CACNA2D3: variants seen among roughly 807,000 people sequenced by gnomAD.
CACNA2D3 encodes the protein voltage-dependent calcium channel subunit alpha-2/delta-3.
Under a neutral mutation model 160.6 loss-of-function variants are expected in CACNA2D3, and 60 were observed. That is an observed-to-expected ratio of 0.37 (90% CI 0.30 to 0.46). The LOEUF is 0.46. Ranked by LOEUF, CACNA2D3 falls within the 20% of genes least tolerant of loss-of-function variation. The probability of loss-of-function intolerance (pLI) is 1.00; values close to 1 mark genes in which losing one functional copy is unlikely to be tolerated. For synonymous variants in CACNA2D3, 558 were observed against 492.9 expected (o/e 1.13, Z -1.75); for missense variants, 1,205 against 1,365.0 (o/e 0.88, Z 1.85).
chr3:54,537,800 C>CA (rs1372063688), intron 5 of CACNA2D3, among the ~76,000 whole-genome samples: 5 of 152,176 alleles, frequency 3.3e-5, no homozygotes, highest in Non-Finnish European at 7.3e-5. Flanking sequence ...GCTTGGGAAG[C>CA]ATACCAGCGG....
intron 11 of CACNA2D3, among the ~76,000 whole-genome samples, chr3:54,718,014 G>T (rs1333731392): frequency 6.6e-6 from 1 of 152,144 alleles, no homozygotes; most frequent in Non-Finnish European, 1.5e-5. Flanking sequence ...ATATTTATTT[G>T]TATATTGGCT....
At chr3:54,924,703 G>A (rs142832767) in intron 27 of CACNA2D3, 60 of 1,614,016 alleles carry the variant, frequency 3.7e-5, no homozygotes, top group Non-Finnish European at 5.0e-5. Context: ...AGAAGTAAAA[G>A]CCTCACACTG....
chr3:54,903,863 G>T (rs1362634102), intron 27 of CACNA2D3, among the ~76,000 whole-genome samples: 1 of 152,110 alleles, frequency 6.6e-6, no homozygotes, highest in Non-Finnish European at 1.5e-5. Context: ...CTTCTTCTGA[G>T]AAGTGTCTAT....
intron 11 of CACNA2D3, among the ~76,000 whole-genome samples, chr3:54,726,932 A>G (rs1350885600): frequency 6.6e-6 from 1 of 152,254 alleles, no homozygotes; most frequent in Non-Finnish European, 1.5e-5. Context: ...ATTAAACTAA[A>G]GAGCTTCTGC....
intron 4 of CACNA2D3, among the ~76,000 whole-genome samples, chr3:54,490,615 G>A (rs987858824): frequency 6.6e-6 from 1 of 152,214 alleles, no homozygotes; most frequent in Non-Finnish European, 1.5e-5. Flanking sequence ...TGGGCACTGT[G>A]CCTGGTGCCA....
At chr3:54,671,226 G>A (rs1484293465) in intron 11 of CACNA2D3, among the ~76,000 whole-genome samples, 2 of 151,258 alleles carry the variant, frequency 1.3e-5, no homozygotes, top group East Asian at 3.9e-4. Context: ...TTTCATTGGA[G>A]AAAAATTTGG....
chr3:54,964,113 C>T (rs1236005059), intron 27 of CACNA2D3, among the ~76,000 whole-genome samples: 1 of 152,078 alleles, frequency 6.6e-6, no homozygotes, highest in Non-Finnish European at 1.5e-5. Flanking sequence ...TTCCAAAGAC[C>T]ATCCCAGTAT....
chr3:54,757,592 C>G (rs1336069711), intron 12 of CACNA2D3, among the ~76,000 whole-genome samples: 1 of 152,104 alleles, frequency 6.6e-6, no homozygotes, highest in Non-Finnish European at 1.5e-5. Context: ...TTTTGTAGTT[C>G]ATTGCACACA....
chr3:55,013,216 A>G (rs147503039), intron 34 of CACNA2D3, among the ~76,000 whole-genome samples: 1 of 152,202 alleles, frequency 6.6e-6, no homozygotes, highest in African/African-American at 2.4e-5. Flanking sequence ...AGGGGTGGGG[A>G]CTGCTAGAAT....
At chr3:55,014,217 A>G (rs1703276509) in intron 34 of CACNA2D3, among the ~76,000 whole-genome samples, 1 of 152,214 alleles carries the variant, frequency 6.6e-6, no homozygotes, top group Non-Finnish European at 1.5e-5. Flanking sequence ...TAGTAAGTGC[A>G]TAGTGAAGAT....
intron 2 of CACNA2D3, among the ~76,000 whole-genome samples, chr3:54,210,779 C>T (rs536845976): frequency 6.6e-6 from 1 of 152,158 alleles, no homozygotes; most frequent in South Asian, 2.1e-4. Flanking sequence ...CCAGGTTTAC[C>T]CTTGTGCCTC....
chr3:54,374,478 G>A (rs976838221), intron 3 of CACNA2D3, among the ~76,000 whole-genome samples: 1 of 152,184 alleles, frequency 6.6e-6, no homozygotes, highest in Non-Finnish European at 1.5e-5. Context: ...GAGTCAGCAG[G>A]CATTCTCCAA....
At chr3:54,787,154 A>G (rs1702657382) in intron 13 of CACNA2D3, among the ~76,000 whole-genome samples, 1 of 152,152 alleles carries the variant, frequency 6.6e-6, no homozygotes, top group Admixed American at 6.5e-5. Context: ...GCGTTTAAAG[A>G]CAATTGCCTT....
chr3:54,850,265 C>T (rs1387362694), intron 17 of CACNA2D3, among the ~76,000 whole-genome samples: 1 of 151,986 alleles, frequency 6.6e-6, no homozygotes, highest in Non-Finnish European at 1.5e-5. Flanking sequence ...TCAAAGGGGC[C>T]GGGGGGCTGC....
intron 12 of CACNA2D3, among the ~76,000 whole-genome samples, chr3:54,755,421 G>A (rs1235966697): frequency 6.6e-6 from 1 of 152,072 alleles, no homozygotes; most frequent in African/African-American, 2.4e-5. Flanking sequence ...TTAATTATCT[G>A]CTTCTATTTG....
At chr3:54,570,494 G>A (rs1223006358) in intron 8 of CACNA2D3, among the ~76,000 whole-genome samples, 2 of 151,756 alleles carry the variant, frequency 1.3e-5, no homozygotes, top group Admixed American at 6.6e-5. Context: ...TGATATTGAC[G>A]ATGATAATAA....
chr3:54,942,847 A>C (rs1701508419), intron 27 of CACNA2D3, among the ~76,000 whole-genome samples: 1 of 152,018 alleles, frequency 6.6e-6, no homozygotes, highest in African/African-American at 2.4e-5. Context: ...ACACAGTGAA[A>C]CCCCATCTCT....
intron 2 of CACNA2D3, among the ~76,000 whole-genome samples, chr3:54,235,895 A>AG (rs1354771472): frequency 6.6e-6 from 1 of 152,192 alleles, no homozygotes; most frequent in Non-Finnish European, 1.5e-5. Context: ...ATGGAAAGGA[A>AG]GGGGGAAAAG....
intron 5 of CACNA2D3, among the ~76,000 whole-genome samples, chr3:54,504,707 T>C (rs1701342270): frequency 1.3e-5 from 2 of 152,176 alleles, no homozygotes; most frequent in African/African-American, 4.8e-5. Context: ...TTCCAAATCA[T>C]ATACAAGAGC....
Sources: gnomAD v4.1 joint callset for allele counts (sites outside exome capture counted in the v4.1 genomes callset) on GRCh38, gnomAD v4.1.1 for gene constraint, MANE v1.5 for transcripts, NCBI Gene and HGNC (gene_info 2026-07-23, HGNC 2026-07-21) for gene names.